ZFPM2: variants seen among roughly 807,000 people sequenced by gnomAD.
ZFPM2 encodes the protein zinc finger protein ZFPM2.
Under a neutral mutation model 98.6 loss-of-function variants are expected in ZFPM2, and 20 were observed. The ratio of observed to expected loss-of-function variants is 0.20; its 90% CI spans 0.14 to 0.29. The LOEUF is 0.29. Ranked by LOEUF, ZFPM2 falls within the 10% of genes least tolerant of loss-of-function variation. ZFPM2 has a pLI of 1.00. For synonymous variants in ZFPM2, 518 were observed against 502.7 expected (o/e 1.03, Z -0.41); for missense variants, 1,310 against 1,388.6 (o/e 0.94, Z 0.90).
intron 3 of ZFPM2, among the ~76,000 whole-genome samples, chr8:105,478,676 A>G (rs564045845): frequency 2.7e-4 from 41 of 152,202 alleles, no homozygotes; most frequent in Admixed American, 4.6e-4. Context: ...GACACAGAGA[A>G]CTATAGATTT....
chr8:105,801,775 G>A lies in ZFPM2; in HGVS notation c.1693G>A (p.Val565Met). ...ATTCAATAATTTGGATAATTATCTA[G>A]TGCACAAAAAGCATTATTGCAGCAG... Reference protein sequence around the residue: ...ITFNNLDNYLVHKKHYCSSRW... With the variant: ...ITFNNLDNYLMHKKHYCSSRW... Residue 565 changes from valine (V) to methionine (M), a missense_variant, in exon 8 of 8, where the codon GTG becomes ATG. Transcript: ENST00000407775. The A allele has an allele frequency of 6.2e-7, 1 of 1,613,882 alleles. No individual in the cohort carries two copies. Among genetic ancestry groups the A allele is most frequent in the South Asian group, 1.1e-5 (1 of 91,076 alleles).
chr8:105,754,875 A>G (rs1336220376), intron 5 of ZFPM2, among the ~76,000 whole-genome samples: 1 of 152,032 alleles, frequency 6.6e-6, no homozygotes, highest in Non-Finnish European at 1.5e-5. Context: ...GTGGGAGAAC[A>G]AGTCTGCCAT....
chr8:105,802,493 C>G lies in ZFPM2; in HGVS notation c.2411C>G (p.Thr804Arg). 1 of 1,612,556 alleles carries G rather than the reference C, an allele frequency of 6.2e-7. No homozygotes were observed. Among genetic ancestry groups the G allele is most frequent in the Non-Finnish European group, 8.5e-7 (1 of 1,179,264 alleles). The change falls in exon 8 of 8, where the codon ACG (threonine) becomes AGG (arginine). Residue 804 changes from threonine to arginine, a missense_variant. Thr to Arg is a moderately conservative substitution (Grantham distance 71). Transcript: ENST00000407775. Reference sequence around the variant, plus strand: ...TCTAAACACTTGGAAACTTCTCTGACGATCAACAAGTGTGTTCCAGTTTCC... The same window carrying G: ...TCTAAACACTTGGAAACTTCTCTGAGGATCAACAAGTGTGTTCCAGTTTCC... ...IVSKHLETSL[T>R]INKCVPVSKC... is the part of the protein sequence containing the mutation.
rs551866746 is a variant in ZFPM2, at chr8:105,339,644, C to T, written c.40+20663C>T. On this transcript the variant is annotated intron_variant, in intron 1 of 7. Transcript: ENST00000407775. ...TAATTCGACTGCATCTGCAAACAGACGCCCAAAAATCATGCTAGTAGTTAG... is the reference window on the plus strand; with the variant it reads ...TAATTCGACTGCATCTGCAAACAGATGCCCAAAAATCATGCTAGTAGTTAG... Among the ~76,000 whole-genome samples, 46 of 151,902 alleles carry T rather than the reference C, an allele frequency of 3.0e-4. No homozygotes were observed. The South Asian group carries it at 3.3e-3, about 11-fold the overall frequency.
chr8:105,657,727 T>C (rs987632699), intron 5 of ZFPM2, among the ~76,000 whole-genome samples: 2 of 152,190 alleles, frequency 1.3e-5, no homozygotes, highest in Non-Finnish European at 2.9e-5. Flanking sequence ...GTGAGGAAAC[T>C]AAGAGTATAT....
chr8:105,418,526 T>C lies in ZFPM2; in HGVS notation c.41-618T>C, dbSNP rs188764225. 477 of 514,214 alleles carry C rather than the reference T, an allele frequency of 9.3e-4. 2 individuals are homozygous for C. Among genetic ancestry groups the C allele is most frequent in the African/African-American group, 8.6e-3 (444 of 51,534 alleles). 31.9% of individuals were successfully genotyped at this position (514,214 alleles called of 1,614,324 possible). On this transcript the variant is annotated intron_variant, in intron 1 of 7. Coordinates refer to ENST00000407775, the MANE Select transcript of ZFPM2 (RefSeq NM_012082.4). ...ATCACATAAATACAAATTACATTTT[T>C]TCATTAGAAAACCACTTTTCATTTC...
At chr8:105,555,509 C>A (rs1010584905) in intron 3 of ZFPM2, among the ~76,000 whole-genome samples, 2 of 152,054 alleles carry the variant, frequency 1.3e-5, no homozygotes, top group Admixed American at 1.3e-4. Context: ...GTCGTATCAT[C>A]AAGATTTTCA....
chr8:105,576,788 G>C (rs575616992), intron 4 of ZFPM2, among the ~76,000 whole-genome samples: 1 of 152,032 alleles, frequency 6.6e-6, no homozygotes, highest in African/African-American at 2.4e-5. Context: ...TTTTTAGAAT[G>C]GACCCAAGCA....
chr8:105,790,691 G>T (rs1344295209), intron 6 of ZFPM2, among the ~76,000 whole-genome samples: 1 of 152,132 alleles, frequency 6.6e-6, no homozygotes, highest in Non-Finnish European at 1.5e-5. Flanking sequence ...GGGCAGTATG[G>T]CCATTTTCAC....
At position 105,634,287 on chromosome 8, in the gene ZFPM2, C is replaced by T. The variant is rs201684425; in HGVS notation, c.462C>T (p.Pro154=). The T allele has an allele frequency of 8.1e-6, 13 of 1,613,058 alleles. No individual in the cohort carries two copies. In the Middle Eastern group the frequency reaches 6.6e-4, roughly 82 times the overall value. Residue 154 remains proline, a synonymous_variant, in exon 5 of 8, where the codon CCC becomes CCT. Transcript: ENST00000407775. Reference sequence around the variant, plus strand: ...TCCCAATGGTGCTGACTGCTGGTCCCAAGTGGTTGCTGGATGTGACTTGGC... The same window carrying T: ...TCCCAATGGTGCTGACTGCTGGTCCTAAGTGGTTGCTGGATGTGACTTGGC... ...AQVPMVLTAG[P]KWLLDVTWQG...
intron 4 of ZFPM2, among the ~76,000 whole-genome samples, chr8:105,566,391 T>G: frequency 6.6e-6 from 1 of 152,260 alleles, no homozygotes; most frequent in East Asian, 1.9e-4. Flanking sequence ...AGTTTTGCAG[T>G]TTTATTCACT....
intron 5 of ZFPM2, among the ~76,000 whole-genome samples, chr8:105,638,185 C>G (rs1816885609): frequency 1.3e-5 from 2 of 152,014 alleles, no homozygotes; most frequent in South Asian, 4.1e-4. Flanking sequence ...GAAAAGAGAG[C>G]TTTTCTGGGT....
chr8:105,787,159 G>T (rs1206666494), intron 5 of ZFPM2: 1 of 152,190 alleles, frequency 6.6e-6, no homozygotes, highest in Non-Finnish European at 1.5e-5. Flanking sequence ...GGGGAGAACA[G>T]CAGAAATACC....
intron 5 of ZFPM2, among the ~76,000 whole-genome samples, chr8:105,672,812 C>T (rs984567343): frequency 1.8e-4 from 27 of 152,152 alleles, no homozygotes; most frequent in African/African-American, 5.1e-4. Context: ...CCATGTCCTT[C>T]GAGAAGCAGA....
At chr8:105,735,916 CA>C (rs1402485822) in intron 5 of ZFPM2, among the ~76,000 whole-genome samples, 1 of 151,988 alleles carries the variant, frequency 6.6e-6, no homozygotes, top group Non-Finnish European at 1.5e-5. Flanking sequence ...AGCAAGCTAG[CA>C]CCTCTAGCTC....
intron 1 of ZFPM2, among the ~76,000 whole-genome samples, chr8:105,393,468 TTC>T (rs1008713062): frequency 3.3e-5 from 5 of 151,944 alleles, no homozygotes; most frequent in African/African-American, 9.7e-5. Flanking sequence ...AAACAGGGTG[TTC>T]TCTTTAAAGG....
At chr8:105,683,159 A>G (rs188845145) in intron 5 of ZFPM2, among the ~76,000 whole-genome samples, 1 of 151,958 alleles carries the variant, frequency 6.6e-6, no homozygotes, top group East Asian at 1.9e-4. Flanking sequence ...TCCTAATACT[A>G]TTACTTTGGG....
chr8:105,363,911 G>C (rs1457103899), intron 1 of ZFPM2, among the ~76,000 whole-genome samples: 2 of 152,018 alleles, frequency 1.3e-5, no homozygotes, highest in Non-Finnish European at 2.9e-5. Flanking sequence ...TTTATAAATA[G>C]ATATTTCTCA....
intron 5 of ZFPM2, among the ~76,000 whole-genome samples, chr8:105,686,335 G>A (rs200332230): frequency 4.1e-4 from 62 of 151,664 alleles, no homozygotes; most frequent in African/African-American, 1.3e-3. Flanking sequence ...TTTTAATATC[G>A]TAATTTCCTT....
Sources: gnomAD v4.1 joint callset for allele counts (sites outside exome capture counted in the v4.1 genomes callset) on GRCh38, gnomAD v4.1.1 for gene constraint, MANE v1.5 for transcripts, NCBI Gene and HGNC (gene_info 2026-07-23, HGNC 2026-07-21) for gene names.